Variants in SOBP observed in about 807,000 individuals in gnomAD.
SOBP encodes sine oculis binding protein homolog.
SOBP carries 4 observed loss-of-function variants against 53.6 expected under a neutral mutation model. The observed-to-expected ratio is 0.07, with a 90% CI of 0.04 to 0.17. SOBP has a LOEUF of 0.17. SOBP is among the 10% of genes least tolerant of loss of function. SOBP has a pLI of 1.00. For synonymous variants in SOBP, 584 were observed against 522.6 expected (o/e 1.12, Z -1.60); for missense variants, 1,088 against 1,204.7 (o/e 0.90, Z 1.43).
At chr6:107,526,064 C>G (rs769616585) in intron 3 of SOBP, among the ~76,000 whole-genome samples, 6 of 152,120 alleles carry the variant, frequency 3.9e-5, no homozygotes, top group South Asian at 2.1e-4. Flanking sequence ...TCTCCTGCCT[C>G]AGCCTCCCAA....
At chr6:107,602,409 C>T (rs74835440) in intron 5 of SOBP, among the ~76,000 whole-genome samples, 2 of 152,070 alleles carry the variant, frequency 1.3e-5, no homozygotes, top group Non-Finnish European at 2.9e-5. Flanking sequence ...ACTTGCTTCT[C>T]AGCTTCCTTC....
intron 1 of SOBP, 85 bp downstream of exon 1, chr6:107,490,797 C>T (rs1053080910): frequency 9.6e-7 from 1 of 1,040,934 alleles, no homozygotes; most frequent in Non-Finnish European, 1.5e-6. Flanking sequence ...CTGGGGGGTA[C>T]CGGGGCGCGC....
intron 4 of SOBP, among the ~76,000 whole-genome samples, chr6:107,562,549 A>AAT (rs1337888076): frequency 2.6e-5 from 4 of 152,230 alleles, no homozygotes; most frequent in African/African-American, 9.6e-5. Context: ...AATTGGCATA[A>AAT]TAAAAGAGAC....
intron 4 of SOBP, among the ~76,000 whole-genome samples, chr6:107,573,971 G>A (rs192271236): frequency 6.6e-6 from 1 of 152,296 alleles, no homozygotes; most frequent in Admixed American, 6.5e-5. Flanking sequence ...TCATTATTCA[G>A]TTGTCTACTA....
At chr6:107,607,151 G>A (rs1786415565) in intron 5 of SOBP, among the ~76,000 whole-genome samples, 1 of 152,156 alleles carries the variant, frequency 6.6e-6, no homozygotes, top group Admixed American at 6.5e-5. Flanking sequence ...TGTTCCGCCT[G>A]TTGTCACACT....
intron 5 of SOBP, among the ~76,000 whole-genome samples, chr6:107,605,053 C>T (rs982680346): frequency 4.6e-5 from 7 of 152,146 alleles, no homozygotes; most frequent in African/African-American, 1.7e-4. Context: ...TCTTCCTCCT[C>T]CCCCCTCCAC....
chr6:107,557,041 ACTTAATCTCTC>A (rs1473195330), intron 4 of SOBP, among the ~76,000 whole-genome samples: 2 of 152,224 alleles, frequency 1.3e-5, no homozygotes, highest in Non-Finnish European at 2.9e-5. Flanking sequence ...CCAGACTTCA[ACTTAATCTCTC>A]CTTTCTGATC....
intron 5 of SOBP, among the ~76,000 whole-genome samples, chr6:107,597,548 G>C (rs1439679855): frequency 6.6e-6 from 1 of 152,108 alleles, no homozygotes; most frequent in Non-Finnish European, 1.5e-5. Flanking sequence ...GTATTTATGA[G>C]TTTATGGCAT....
chr6:107,490,749 C>G, intron 1 of SOBP, 37 bp downstream of exon 1: 1 of 1,481,878 alleles, frequency 6.7e-7, no homozygotes, highest in Non-Finnish European at 9.3e-7. Flanking sequence ...AGACTGAGCT[C>G]TTTCTTGCGC....
chr6:107,647,901 G>T (rs1016729111), intron 6 of SOBP, among the ~76,000 whole-genome samples: 7 of 152,046 alleles, frequency 4.6e-5, no homozygotes, highest in African/African-American at 1.7e-4. Context: ...GAGGTTAAAG[G>T]GTTGCAGGAA....
intron 2 of SOBP, among the ~76,000 whole-genome samples, chr6:107,505,950 C>T (rs1163185567): frequency 6.6e-6 from 1 of 152,194 alleles, no homozygotes; most frequent in African/African-American, 2.4e-5. Context: ...CTTGCCCAGC[C>T]ACCACCTCTC....
rs1452135007 is a variant in SOBP, at chr6:107,635,238, G to A, written c.2394G>A (p.Gly798=). The A allele has an allele frequency of 1.2e-6, 2 of 1,613,928 alleles. No homozygotes were observed. Among genetic ancestry groups the A allele is most frequent in the Admixed American group, 1.7e-5 (1 of 60,026 alleles). ...TGATGGGCGAGGAGGCCCTGGCGGG[G>A]GGCGACAAGTCAGACCCGAACCTTA... ...KKLMGEEALA[G]GDKSDPNLNN... Residue 798 remains glycine, a synonymous_variant, in exon 6 of 7, where the codon GGG becomes GGA. Coordinates refer to ENST00000317357, the MANE Select transcript of SOBP (RefSeq NM_018013.4). The surrounding 1 kb of genome is among the most constrained non-coding windows in gnomAD (Gnocchi z 4.5).
rs767504450 is a variant in SOBP at position 107,518,363 on chromosome 6, G to A, written c.421+11936G>A. On this transcript the variant is annotated intron_variant, in intron 3 of 6. Coordinates refer to ENST00000317357, the MANE Select transcript of SOBP (RefSeq NM_018013.4). Reference sequence around the variant, plus strand: ...ATACCAAGTTTGAGGAGGATATGGAGCAACTGGGACTCTCATGCATAGCTG... The same window carrying A: ...ATACCAAGTTTGAGGAGGATATGGAACAACTGGGACTCTCATGCATAGCTG... Among the ~76,000 whole-genome samples the A allele has an allele frequency of 7.9e-5, 12 of 152,294 alleles. No individual in the cohort carries two copies. In the East Asian group the frequency reaches 1.7e-3, roughly 22 times the overall value.
chr6:107,611,601 G>T (rs191243203), intron 5 of SOBP, among the ~76,000 whole-genome samples: 1 of 152,258 alleles, frequency 6.6e-6, no homozygotes. Flanking sequence ...GTGCTGTGTG[G>T]CCGGGCCAGC....
At chr6:107,551,377 A>G (rs1562607695) in intron 4 of SOBP, among the ~76,000 whole-genome samples, 1 of 152,212 alleles carries the variant, frequency 6.6e-6, no homozygotes, top group Non-Finnish European at 1.5e-5. Flanking sequence ...TTTATTTATT[A>G]TGAACCAGTA....
Position 107,553,298 on chromosome 6 carries a change from TTTTATTTATTTA to T in SOBP, c.573+19724_573+19735del, listed in dbSNP as rs750735550. Among the ~76,000 whole-genome samples the T allele has an allele frequency of 2.8e-3, 395 of 139,424 alleles. 2 individuals carry two copies. The highest frequency in any genetic ancestry group is 0.023 in the South Asian group (98 of 4,220). 91.5% of individuals were successfully genotyped at this position (139,424 alleles called of 152,430 possible). On this transcript the variant is annotated intron_variant, in intron 4 of 6. Coordinates refer to ENST00000317357, the MANE Select transcript of SOBP (RefSeq NM_018013.4). ...AAATCCACTCACGGGCTTATTATTATTTTATTTATTTATTTATTTATTTATTTATTTATTTAT... is the reference window on the plus strand; with the variant it reads ...AAATCCACTCACGGGCTTATTATTATTTTATTTATTTATTTATTTATTTAT...
rs529996987 is a variant in SOBP at position 107,495,456 on chromosome 6, C to T, written c.96+4744C>T. On this transcript the variant is annotated intron_variant, in intron 1 of 6. Transcript: ENST00000317357. ...TCATTCTCTAAACTTACTTATACAACTCGCAGATTCCAGAGACGAGGAAAT... is the reference window on the plus strand; with the variant it reads ...TCATTCTCTAAACTTACTTATACAATTCGCAGATTCCAGAGACGAGGAAAT... Among the ~76,000 whole-genome samples, 10 of 152,280 alleles carry T rather than the reference C, an allele frequency of 6.6e-5. No homozygotes were observed. The East Asian group carries it at 1.9e-3, about 29-fold the overall frequency.
chr6:107,550,878 C>G (rs1196880339), intron 4 of SOBP, among the ~76,000 whole-genome samples: 1 of 152,146 alleles, frequency 6.6e-6, no homozygotes, highest in Non-Finnish European at 1.5e-5. Flanking sequence ...TGAAACAATA[C>G]TACATAACTT....
At chr6:107,615,390 T>G (rs1786749650) in intron 5 of SOBP, among the ~76,000 whole-genome samples, 1 of 152,196 alleles carries the variant, frequency 6.6e-6, no homozygotes, top group Non-Finnish European at 1.5e-5. Flanking sequence ...CTAGGGATTA[T>G]TACTCTGTTT....
Sources: allele counts gnomAD v4.1 joint callset (sites outside exome capture counted in the v4.1 genomes callset), GRCh38; gene constraint gnomAD v4.1.1; non-coding constraint Gnocchi (gnomAD v3.1); transcripts MANE v1.5; gene names NCBI Gene and HGNC (gene_info 2026-07-23, HGNC 2026-07-21).